The following TRIM71 variants were observed in gnomAD, a reference collection of about 807,000 sequenced individuals.
The protein encoded by TRIM71 is tripartite motif containing 71.
Under a neutral mutation model 61.2 loss-of-function variants are expected in TRIM71, and 9 were observed. The ratio of observed to expected loss-of-function variants is 0.15; its 90% CI spans 0.09 to 0.26. The LOEUF (loss-of-function observed/expected upper bound fraction) is 0.26, where lower values mean the gene tolerates loss of function less well. Ranked by LOEUF, TRIM71 falls within the 10% of genes least tolerant of loss-of-function variation. TRIM71 has a pLI of 1.00. For synonymous variants in TRIM71, 645 were observed against 553.2 expected (o/e 1.17, Z -2.33); for missense variants, 998 against 1,238.7 (o/e 0.81, Z 2.92).
At chr3:32,855,657 T>C (rs762893722) in intron 1 of TRIM71, among the ~76,000 whole-genome samples, 4 of 152,062 alleles carry the variant, frequency 2.6e-5, no homozygotes, top group African/African-American at 4.8e-5. Context: ...AGAATGAAGG[T>C]TCATCTTCAG....
chr3:32,826,514 C>G (rs1164822184), intron 1 of TRIM71, among the ~76,000 whole-genome samples: 1 of 150,798 alleles, frequency 6.6e-6, no homozygotes, highest in African/African-American at 2.4e-5. Flanking sequence ...TTTTGTCATC[C>G]TTACTGTAGA....
intron 2 of TRIM71, among the ~76,000 whole-genome samples, chr3:32,883,237 G>A (rs1696928041): frequency 1.3e-5 from 2 of 152,186 alleles, no homozygotes; most frequent in South Asian, 4.1e-4. Context: ...TGGCCATTCT[G>A]ATTTTTTAAC....
At chr3:32,878,966 GTC>G (rs767343282) in intron 2 of TRIM71, among the ~76,000 whole-genome samples, 9 of 152,246 alleles carry the variant, frequency 5.9e-5, no homozygotes, top group Admixed American at 1.3e-4. Context: ...TGTCTTGAAA[GTC>G]TGTTGTTTAG....
At chr3:32,888,150 G>A (rs1472436024) in intron 3 of TRIM71, among the ~76,000 whole-genome samples, 2 of 152,176 alleles carry the variant, frequency 1.3e-5, no homozygotes, top group African/African-American at 4.8e-5. Flanking sequence ...TGGCAGGTTA[G>A]AATCCATGTC....
rs780015004 is a variant in TRIM71, at chr3:32,896,394, CTTTTG to C, written c.*4593_*4597del. 1 of 151,770 alleles carries C rather than the reference CTTTTG, an allele frequency of 6.6e-6. No individual in the cohort carries two copies. Among genetic ancestry groups the C allele is most frequent in the Non-Finnish European group, 1.5e-5 (1 of 67,948 alleles). The allele number at this position is 151,770 out of a possible 1,614,324, so 9.4% of individuals were successfully genotyped here. A position where few individuals can be genotyped will look rare whatever the true frequency, so the allele number is the denominator to read the frequency against. The stretch of plus-strand genomic sequence containing the variant: ...AGTGACTGTTGAAGTGTGTATTGCT[CTTTTG>C]TTTTGTTTTTATTTTTTTCTACCAA... On this transcript the variant is annotated 3_prime_UTR_variant, in exon 4 of 4. Transcript: ENST00000383763.
chr3:32,864,845 GGTGTGTGTGTGTGTGTGTGTGTGTGTGT>G (rs10522411), intron 1 of TRIM71, among the ~76,000 whole-genome samples: 13 of 146,442 alleles, frequency 8.9e-5, no homozygotes, highest in South Asian at 4.5e-4. Flanking sequence ...AAAATTAAGT[GGTGTGTGTGTGTGTGTGTGTGTGTGTGT>G]GTGTGTGTGT....
At chr3:32,859,119 C>T (rs978894096) in intron 1 of TRIM71, among the ~76,000 whole-genome samples, 4 of 152,070 alleles carry the variant, frequency 2.6e-5, no homozygotes, top group African/African-American at 7.2e-5. Flanking sequence ...TCGAACAGCA[C>T]GCTTGAGCAT....
chr3:32,846,757 GA>G (rs1361708290), intron 1 of TRIM71, among the ~76,000 whole-genome samples: 3 of 146,772 alleles, frequency 2.0e-5, no homozygotes, highest in Non-Finnish European at 4.5e-5. Flanking sequence ...AGCTTTTTTA[GA>G]TTCCATATAT....
At chr3:32,842,479 A>ACT (rs1300483384) in intron 1 of TRIM71, among the ~76,000 whole-genome samples, 1 of 152,220 alleles carries the variant, frequency 6.6e-6, no homozygotes, top group Non-Finnish European at 1.5e-5. Flanking sequence ...AAGAAATCAG[A>ACT]CTGCTGAGTT....
chr3:32,887,920 C>T (rs1054447644), intron 3 of TRIM71, among the ~76,000 whole-genome samples: 2 of 152,134 alleles, frequency 1.3e-5, no homozygotes, highest in East Asian at 1.9e-4. Context: ...CAACAGTGGA[C>T]GCTTATTCTG....
At chr3:32,882,177 G>A (rs1431224206) in intron 2 of TRIM71, among the ~76,000 whole-genome samples, 1 of 151,294 alleles carries the variant, frequency 6.6e-6, no homozygotes, top group Non-Finnish European at 1.5e-5. Flanking sequence ...CCCAGGCTGG[G>A]TCTTTTTTTT....
intron 1 of TRIM71, among the ~76,000 whole-genome samples, chr3:32,851,722 G>C (rs1696540419): frequency 6.6e-6 from 1 of 152,120 alleles, no homozygotes; most frequent in African/African-American, 2.4e-5. Flanking sequence ...CAGGTGGTCT[G>C]CCTGCCTTGG....
At chr3:32,840,680 A>G (rs887673389) in intron 1 of TRIM71, among the ~76,000 whole-genome samples, 2 of 152,106 alleles carry the variant, frequency 1.3e-5, no homozygotes, top group Admixed American at 1.3e-4. Flanking sequence ...ACCACCCCCA[A>G]CCCACATGCT....
intron 1 of TRIM71, among the ~76,000 whole-genome samples, chr3:32,844,519 C>T (rs9816952): frequency 0.23 from 35,147 of 151,900 alleles, 4,446 homozygotes; most frequent in African/African-American, 0.34. Flanking sequence ...GCCTCAGCCT[C>T]TGGCGTAGCT....
chr3:32,825,308 A>G (rs192979990), intron 1 of TRIM71, among the ~76,000 whole-genome samples: 1 of 152,258 alleles, frequency 6.6e-6, no homozygotes, highest in East Asian at 1.9e-4. Context: ...AAATGGCTAA[A>G]ACGCTTTTTT....
rs1331641755 is a variant in TRIM71, at chr3:32,891,608, G to A, written c.2404G>A (p.Val802Met). 2 of 1,613,666 alleles carry A rather than the reference G, an allele frequency of 1.2e-6. No homozygotes were observed. The highest frequency in any genetic ancestry group is 8.5e-7 in the Non-Finnish European group (1 of 1,179,722). ...GQFLRPQGVA[V>M]DQEGRIIVAD... is the part of the protein sequence containing the mutation. ...GTTCCTGCGCCCACAAGGGGTAGCT[G>A]TGGACCAGGAAGGGCGCATCATTGT... is the stretch of plus-strand genomic sequence containing the variant. Residue 802 changes from valine to methionine, a missense_variant, in exon 4 of 4, where the codon GTG becomes ATG. Val to Met is a conservative substitution (Grantham distance 21). Coordinates refer to ENST00000383763, the MANE Select transcript of TRIM71 (RefSeq NM_001039111.3). The surrounding 1 kb of genome is among the most constrained non-coding windows in gnomAD (Gnocchi z 8.2).
intron 1 of TRIM71, among the ~76,000 whole-genome samples, chr3:32,872,859 C>T (rs1311545725): frequency 6.6e-6 from 1 of 152,156 alleles, no homozygotes; most frequent in African/African-American, 2.4e-5. Flanking sequence ...AGCTAGCTTC[C>T]CCTCATGCCC....
At chr3:32,826,844 G>T (rs992840945) in intron 1 of TRIM71, among the ~76,000 whole-genome samples, 1 of 151,982 alleles carries the variant, frequency 6.6e-6, no homozygotes, top group Non-Finnish European at 1.5e-5. Context: ...CTCACTGCAA[G>T]CTCTGCCTCC....
At chr3:32,846,229 C>T (rs1357982451) in intron 1 of TRIM71, among the ~76,000 whole-genome samples, 2 of 151,932 alleles carry the variant, frequency 1.3e-5, no homozygotes, top group Non-Finnish European at 2.9e-5. Flanking sequence ...GCGCCTACCA[C>T]CATGCCTGGC....
Sources: allele counts gnomAD v4.1 joint callset (sites outside exome capture counted in the v4.1 genomes callset), GRCh38; gene constraint gnomAD v4.1.1; non-coding constraint Gnocchi (gnomAD v3.1); transcripts MANE v1.5; gene names NCBI Gene and HGNC (gene_info 2026-07-23, HGNC 2026-07-21).